The following CABCOCO1 variants were observed in gnomAD, a reference collection of about 807,000 sequenced individuals.
The protein encoded by CABCOCO1 is ciliary associated calcium binding coiled-coil 1.
In CABCOCO1, 28 loss-of-function variants were observed where a neutral mutation model predicts 35.7. The ratio of observed to expected loss-of-function variants is 0.78; its 90% CI spans 0.58 to 1.07. The LOEUF is 1.07. CABCOCO1 is among the 50% of genes least tolerant of loss of function. The probability of loss-of-function intolerance (pLI) is 0.00; values close to 1 mark genes in which losing one functional copy is unlikely to be tolerated. For missense variants in CABCOCO1, 326 were observed against 309.2 expected (o/e 1.05, Z -0.41); for synonymous variants, 95 against 100.1 (o/e 0.95, Z 0.30).
intron 5 of CABCOCO1, among the ~76,000 whole-genome samples, chr10:61,696,228 C>T (rs1840291242): frequency 6.6e-6 from 1 of 151,860 alleles, no homozygotes; most frequent in African/African-American, 2.4e-5. Flanking sequence ...TTTAATAAGT[C>T]AAGGATGCCT....
At chr10:61,746,436 G>T (rs1232142464) in intron 5 of CABCOCO1, among the ~76,000 whole-genome samples, 1 of 152,030 alleles carries the variant, frequency 6.6e-6, no homozygotes, top group Non-Finnish European at 1.5e-5. Context: ...GAATGTTTAT[G>T]AAAAAAACAT....
At chr10:61,673,857 T>G (rs962258124) in intron 2 of CABCOCO1, among the ~76,000 whole-genome samples, 1 of 152,176 alleles carries the variant, frequency 6.6e-6, no homozygotes, top group African/African-American at 2.4e-5. Flanking sequence ...TTTATAGAAA[T>G]TAAGGTTCGT....
At chr10:61,753,547 A>G (rs1841836666) in intron 5 of CABCOCO1, among the ~76,000 whole-genome samples, 1 of 152,120 alleles carries the variant, frequency 6.6e-6, no homozygotes, top group Admixed American at 6.5e-5. Context: ...CTGACTCTTT[A>G]CTTTTGACAA....
chr10:61,738,068 AC>A (rs1253297197), intron 5 of CABCOCO1, among the ~76,000 whole-genome samples: 11 of 149,946 alleles, frequency 7.3e-5, no homozygotes, highest in Admixed American at 6.6e-4. Context: ...AAAAAAAAAA[AC>A]AAAGACACCT....
intron 5 of CABCOCO1, among the ~76,000 whole-genome samples, chr10:61,703,807 T>C (rs1840526591): frequency 1.3e-5 from 2 of 152,260 alleles, no homozygotes; most frequent in Admixed American, 6.5e-5. Flanking sequence ...AGGGAAATGG[T>C]GACTTCTTAC....
chr10:61,748,031 G>C (rs1008001574), intron 5 of CABCOCO1, among the ~76,000 whole-genome samples: 1 of 152,056 alleles, frequency 6.6e-6, no homozygotes, highest in African/African-American at 2.4e-5. Flanking sequence ...CACCTAGCAT[G>C]GACACTTTTT....
chr10:61,677,317 A>C (rs1839544337), intron 2 of CABCOCO1, among the ~76,000 whole-genome samples: 1 of 152,064 alleles, frequency 6.6e-6, no homozygotes, highest in Non-Finnish European at 1.5e-5. Context: ...GAAAGATCTT[A>C]ATTGATCATT....
chr10:61,753,082 G>A (rs529761935), intron 5 of CABCOCO1, among the ~76,000 whole-genome samples: 117 of 151,984 alleles, frequency 7.7e-4, no homozygotes, highest in Non-Finnish European at 1.3e-3. Flanking sequence ...GCAAATTATC[G>A]GTACTTATTC....
At chr10:61,726,878 C>A in intron 5 of CABCOCO1, among the ~76,000 whole-genome samples, 3 of 138,770 alleles carry the variant, frequency 2.2e-5, no homozygotes, top group African/African-American at 2.7e-5. Flanking sequence ...GCCAATATGG[C>A]AAAACCCCGT....
chr10:61,693,734 A>G (rs1253057109), intron 5 of CABCOCO1, among the ~76,000 whole-genome samples: 1 of 152,102 alleles, frequency 6.6e-6, no homozygotes, highest in Non-Finnish European at 1.5e-5. Flanking sequence ...TCTAACCCTA[A>G]CTTCTCATTT....
chr10:61,677,444 T>C (rs371094727), intron 2 of CABCOCO1, among the ~76,000 whole-genome samples: 1 of 152,226 alleles, frequency 6.6e-6, no homozygotes, highest in African/African-American at 2.4e-5. Flanking sequence ...GACTTAAGAA[T>C]GTATGAAGGC....
chr10:61,719,567 A>G (rs931861530), intron 5 of CABCOCO1, among the ~76,000 whole-genome samples: 6 of 152,188 alleles, frequency 3.9e-5, no homozygotes, highest in African/African-American at 1.4e-4. Context: ...CTGATGAGCA[A>G]GATGGGAAAT....
chr10:61,722,351 A>G (rs1190739163), intron 5 of CABCOCO1, among the ~76,000 whole-genome samples: 2 of 152,142 alleles, frequency 1.3e-5, no homozygotes, highest in Non-Finnish European at 2.9e-5. Context: ...AAACAATACA[A>G]CAGCTGTTGC....
At chr10:61,680,715 A>AT (rs1310968549) in intron 2 of CABCOCO1, among the ~76,000 whole-genome samples, 2 of 119,776 alleles carry the variant, frequency 1.7e-5, no homozygotes, top group African/African-American at 6.1e-5. Flanking sequence ...ATACATGTAT[A>AT]ACATATATAT....
chr10:61,706,010 T>C (rs1840584157), intron 5 of CABCOCO1, among the ~76,000 whole-genome samples: 2 of 152,216 alleles, frequency 1.3e-5, no homozygotes, highest in African/African-American at 4.8e-5. Flanking sequence ...ATATTGATTA[T>C]CTACAGAAGT....
chr10:61,683,542 C>G (rs1839864474), intron 3 of CABCOCO1, among the ~76,000 whole-genome samples: 1 of 152,102 alleles, frequency 6.6e-6, no homozygotes, highest in Admixed American at 6.5e-5. Flanking sequence ...GCCTGGGCAA[C>G]ACAGCAAGAT....
At chr10:61,693,591 T>A (rs1840213942) in intron 5 of CABCOCO1, among the ~76,000 whole-genome samples, 1 of 151,944 alleles carries the variant, frequency 6.6e-6, no homozygotes, top group Non-Finnish European at 1.5e-5. Flanking sequence ...AAATAATAGA[T>A]CTAGGCAATG....
In CABCOCO1 at chr10:61,766,247, AAG is replaced by A. The variant is rs1842107852; in HGVS notation, c.*237_*238del. 1 of 308,906 alleles carries A rather than the reference AAG, an allele frequency of 3.2e-6. No homozygotes were observed. The highest frequency in any genetic ancestry group is 4.6e-5 in the Admixed American group (1 of 21,616). 19.1% of individuals were successfully genotyped at this position (308,906 alleles called of 1,614,324 possible). On this transcript the variant is annotated 3_prime_UTR_variant, in exon 8 of 8. Transcript: ENST00000648843. ...AGTGTAATGAGAACATTTTGTATAC[AAG>A]AGTTTGAAAAATTATATATAAAAAT...
At position 61,690,574 on chromosome 10, in the gene CABCOCO1, G is replaced by A. The variant is rs1258363838; in HGVS notation, c.505G>A (p.Glu169Lys). The A allele has an allele frequency of 8.7e-6, 14 of 1,606,184 alleles. No homozygotes were observed. Among genetic ancestry groups the A allele is most frequent in the Middle Eastern group, 1.7e-4 (1 of 6,058 alleles). ...ISLFQHYKLY[E>K]FMFYSAREEI... is the part of the protein sequence containing the mutation. ...CTTATTTCAACACTACAAGCTATAC[G>A]AGTTTATGTTCTACTCTGCCAGGGA... The change falls in exon 5 of 8, where the codon GAG (glutamate) becomes AAG (lysine). Residue 169 changes from glutamate (E) to lysine (K), a missense_variant. Transcript: ENST00000648843.
Sources: allele counts gnomAD v4.1 joint callset (sites outside exome capture counted in the v4.1 genomes callset), GRCh38; gene constraint gnomAD v4.1.1; transcripts MANE v1.5; gene names NCBI Gene and HGNC (gene_info 2026-07-23, HGNC 2026-07-21).